DUS2: variants seen among roughly 807,000 people sequenced by gnomAD.
The protein encoded by DUS2 is tRNA-dihydrouridine(20) synthase [NAD(P)+]-like.
A neutral mutation model predicts 71.3 loss-of-function variants in DUS2; 52 were observed. The ratio of observed to expected loss-of-function variants is 0.73; its 90% CI spans 0.58 to 0.92. The LOEUF is 0.92. Among genes scored for constraint, DUS2 ranks in the 40% least tolerant of loss-of-function variants. The pLI is 0.00. For missense variants in DUS2, 558 were observed against 622.6 expected (o/e 0.90, Z 1.10); for synonymous variants, 204 against 227.8 (o/e 0.90, Z 0.94).
chr16:68,068,148 G>C (rs2034035710), intron 10 of DUS2, among the ~76,000 whole-genome samples: 1 of 152,168 alleles, frequency 6.6e-6, no homozygotes, highest in Non-Finnish European at 1.5e-5. Flanking sequence ...AGCATCTCAG[G>C]TCAGTAGACT....
intron 2 of DUS2, among the ~76,000 whole-genome samples, chr16:68,037,415 C>CTTT (rs945193739): frequency 7.6e-6 from 1 of 131,756 alleles, no homozygotes; most frequent in Non-Finnish European, 1.6e-5. Context: ...GAAACTCCAT[C>CTTT]TTTTTTTTTT....
chr16:68,037,634 G>A (rs2033551608), intron 2 of DUS2, among the ~76,000 whole-genome samples: 1 of 151,950 alleles, frequency 6.6e-6, no homozygotes, highest in Non-Finnish European at 1.5e-5. Flanking sequence ...GGCCAGGCTG[G>A]TCTCAAACTC....
At chr16:68,078,364 T>C (rs2034187243) in intron 15 of DUS2, 81 bp from the exon 16 acceptor site, 39 of 1,334,578 alleles carry the variant, frequency 2.9e-5, no homozygotes, top group Non-Finnish European at 1.1e-5. Context: ...CTTCCTTTTA[T>C]CTGCCTTTGA....
chr16:68,053,210 C>T (rs2033804859), intron 4 of DUS2, among the ~76,000 whole-genome samples: 3 of 152,234 alleles, frequency 2.0e-5, no homozygotes, highest in Non-Finnish European at 2.9e-5. Context: ...ATCCGCCCGC[C>T]TCGGCCTCCC....
chr16:68,024,756 T>C (rs537162923), intron 1 of DUS2, among the ~76,000 whole-genome samples: 10 of 152,124 alleles, frequency 6.6e-5, no homozygotes, highest in African/African-American at 1.2e-4. Flanking sequence ...TGAACAGTCA[T>C]TGGATAGGGT....
At chr16:68,070,100 G>T in intron 10 of DUS2, 34 bp from the exon 11 acceptor site, 1 of 1,600,194 alleles carries the variant, frequency 6.2e-7, no homozygotes, top group Non-Finnish European at 8.6e-7. Context: ...GGCTTTTGGT[G>T]CTTAGCCCTC....
At chr16:68,026,874 T>TAAAA (rs1468957411) in intron 2 of DUS2, 1 of 87,948 alleles carries the variant, frequency 1.1e-5, no homozygotes, top group Admixed American at 1.3e-4. Context: ...AGAGTCTATC[T>TAAAA]GAAAAAAAAA....
Position 68,079,097 on chromosome 16 carries a change from A to C in DUS2, c.*111A>C, listed in dbSNP as rs1248746937. On this transcript the variant is annotated 3_prime_UTR_variant, in exon 17 of 17. Coordinates refer to ENST00000565263, the MANE Select transcript of DUS2 (RefSeq NM_017803.5). Reference sequence around the variant, plus strand: ...CAGTTTGCTGGTCTTGCCTGGCAGAAGTTAGATGTCCTGGCAGGGGCCATC... The same window carrying C: ...CAGTTTGCTGGTCTTGCCTGGCAGACGTTAGATGTCCTGGCAGGGGCCATC... 9.5e-7 allele frequency: 1 copy of C among 1,049,454 alleles called. No individual in the cohort carries two copies. The highest frequency in any genetic ancestry group is 1.6e-5 in the African/African-American group (1 of 62,824). 65.0% of individuals were successfully genotyped at this position (1,049,454 alleles called of 1,614,324 possible).
intron 2 of DUS2, 65 bp from the exon 3 acceptor site, chr16:68,037,941 T>G (rs1161546430): frequency 2.6e-6 from 4 of 1,524,000 alleles, no homozygotes; most frequent in Non-Finnish European, 3.6e-6. Context: ...GGAAGCCTGC[T>G]CTTGATAACA....
rs1050131561 is a variant in DUS2 at position 68,060,488 on chromosome 16, A to G, written c.370-578A>G. Reference sequence around the variant, plus strand: ...ACCTCCATGCTCGGCTAATTTTTGTATTTTTGGTAGAGACTGGATTTCACC... The same window carrying G: ...ACCTCCATGCTCGGCTAATTTTTGTGTTTTTGGTAGAGACTGGATTTCACC... On this transcript the variant is annotated intron_variant, in intron 7 of 16. Transcript: ENST00000565263. Among the ~76,000 whole-genome samples, 9 of 151,952 alleles carry G rather than the reference A, an allele frequency of 5.9e-5. No homozygotes were observed. In the South Asian group the frequency reaches 1.2e-3, roughly 21 times the overall value.
chr16:68,054,478 GGTGT>G, intron 5 of DUS2, 92 bp from the exon 6 acceptor site: 1 of 1,286,516 alleles, frequency 7.8e-7, no homozygotes, highest in Non-Finnish European at 1.1e-6. Flanking sequence ...TGGTGTGTGG[GGTGT>G]GTGTGTGTAT....
At chr16:68,035,889 TATATATATATATATATATATA>T (rs1567470056) in intron 2 of DUS2, among the ~76,000 whole-genome samples, 2 of 2,112 alleles carry the variant, frequency 9.5e-4, no homozygotes, top group African/African-American at 1.0e-3. Flanking sequence ...TAATTTTATA[TATATATATATATATATATATA>T]TATATATATA....
intron 3 of DUS2, among the ~76,000 whole-genome samples, chr16:68,044,634 G>T (rs1404178995): frequency 6.6e-6 from 1 of 151,852 alleles, no homozygotes; most frequent in African/African-American, 2.4e-5. Context: ...TGATCTCAAA[G>T]TGATCCGCCT....
intron 16 of DUS2, 110 bp from the exon 17 acceptor site, chr16:68,078,639 C>A (rs1598322527): frequency 6.7e-7 from 1 of 1,486,594 alleles, no homozygotes. Flanking sequence ...AGTGGCATCC[C>A]TGGATGGTGA....
intron 2 of DUS2, chr16:68,026,875 G>GAAAAAA (rs397723152): frequency 1.6e-5 from 1 of 63,680 alleles, no homozygotes; most frequent in African/African-American, 6.0e-5. Context: ...GAGTCTATCT[G>GAAAAAA]AAAAAAAAAA....
intron 3 of DUS2, 113 bp downstream of exon 3, chr16:68,038,262 G>A: frequency 6.9e-7 from 1 of 1,441,476 alleles, no homozygotes; most frequent in Non-Finnish European, 9.3e-7. Context: ...GACTTTATAG[G>A]TGTTCACCAA....
intron 14 of DUS2, 26 bp downstream of exon 14, chr16:68,075,530 T>A (rs2034145126): frequency 6.2e-7 from 1 of 1,602,486 alleles, no homozygotes; most frequent in Non-Finnish European, 8.5e-7. Context: ...GGCCTCAGCT[T>A]GGGCTAGGGC....
chr16:68,056,488 A>T (rs1484758797), intron 7 of DUS2, 64 bp downstream of exon 7: 2 of 1,349,682 alleles, frequency 1.5e-6, no homozygotes, highest in Non-Finnish European at 2.1e-6. Flanking sequence ...GACAAGACAT[A>T]ACTAAGTATA....
intron 8 of DUS2, among the ~76,000 whole-genome samples, chr16:68,063,809 C>T (rs1246484284): frequency 6.6e-6 from 1 of 152,072 alleles, no homozygotes; most frequent in Non-Finnish European, 1.5e-5. Context: ...CTGCAACATC[C>T]ACCTCCTGGG....
Sources: gnomAD v4.1 joint callset for allele counts (sites outside exome capture counted in the v4.1 genomes callset) on GRCh38, gnomAD v4.1.1 for gene constraint, MANE v1.5 for transcripts, NCBI Gene and HGNC (gene_info 2026-07-23, HGNC 2026-07-21) for gene names.